TF: variants seen among roughly 807,000 people sequenced by gnomAD.
The protein encoded by TF is serotransferrin.
In TF, 55 loss-of-function variants were observed where a neutral mutation model predicts 82.4. The ratio of observed to expected loss-of-function variants is 0.67; its 90% CI spans 0.54 to 0.84. The LOEUF (loss-of-function observed/expected upper bound fraction) is 0.84, where lower values mean the gene tolerates loss of function less well. Among genes scored for constraint, TF ranks in the 40% least tolerant of loss-of-function variants. TF has a pLI of 0.00. For missense variants in TF, 737 were observed against 868.4 expected (o/e 0.85, Z 1.90); for synonymous variants, 332 against 332.6 (o/e 1.00, Z 0.02).
chr3:133,766,236 C>T (rs1559875249), intron 11 of TF, 42 bp from the exon 12 acceptor site: 1 of 1,602,374 alleles, frequency 6.2e-7, no homozygotes, highest in Non-Finnish European at 8.6e-7. Flanking sequence ...TCTGGAAGCC[C>T]CAGAGGTGTT....
the TF span, among the ~76,000 whole-genome samples, chr3:133,666,949 T>C: frequency 2.0e-5 from 3 of 151,698 alleles, no homozygotes; most frequent in Non-Finnish European, 4.4e-5. Context: ...GGCAGGACAA[T>C]GGCGTGAACC....
At chr3:133,755,592 C>G in intron 5 of TF, 97 bp downstream of exon 5, 1 of 1,561,232 alleles carries the variant, frequency 6.4e-7, no homozygotes, top group Non-Finnish European at 8.7e-7. Flanking sequence ...TGCCTGCCTA[C>G]AGGGGCATCG....
the TF span, among the ~76,000 whole-genome samples, chr3:133,728,338 A>G: frequency 6.6e-6 from 1 of 152,148 alleles, no homozygotes; most frequent in African/African-American, 2.4e-5. Context: ...TATTTCTTGG[A>G]GGCTTTGTTC....
chr3:133,764,879 C>G lies in TF; in HGVS notation c.1302C>G (p.Ser434Arg). Residue 434 changes from serine (S) to arginine (R), a missense_variant, in exon 11 of 17, where the codon AGC becomes AGG. Ser to Arg is a moderately radical substitution (Grantham distance 110). Transcript: ENST00000402696. ...VPVLAENYNK[S>R]DNCEDTPEAG... is the part of the protein sequence containing the mutation. The stretch of plus-strand genomic sequence containing the variant: ...TCATTTTCTTTTCTCCTGCAGAGAG[C>G]GATAATTGTGAGGATACACCAGAGG... 1 of 1,613,814 alleles carries G rather than the reference C, an allele frequency of 6.2e-7. No homozygotes were observed. The highest frequency in any genetic ancestry group is 8.5e-7 in the Non-Finnish European group (1 of 1,179,822).
At position 133,764,872 on chromosome 3, in the gene TF, C is replaced by T. The variant is rs1576363374; in HGVS notation, c.1298-3C>T. The stretch of plus-strand genomic sequence containing the variant: ...GCCTTTTTCATTTTCTTTTCTCCTG[C>T]AGAGAGCGATAATTGTGAGGATACA... On this transcript the variant is annotated splice_region_variant and splice_polypyrimidine_tract_variant and intron_variant, in intron 10 of 16. Transcript: ENST00000402696. 1.2e-6 allele frequency: 2 copies of T among 1,613,842 alleles called. No individual in the cohort carries two copies. Among genetic ancestry groups the T allele is most frequent in the Non-Finnish European group, 8.5e-7 (1 of 1,179,810 alleles).
chr3:133,711,157 C>G, the TF span, among the ~76,000 whole-genome samples: 1 of 152,196 alleles, frequency 6.6e-6, no homozygotes, highest in Non-Finnish European at 1.5e-5. Context: ...AAATGAAACT[C>G]TTTTTCCCAA....
the TF span, among the ~76,000 whole-genome samples, chr3:133,693,553 G>T: frequency 1.4e-3 from 207 of 152,330 alleles, no homozygotes; most frequent in African/African-American, 4.6e-3. Context: ...CTACAGCCTG[G>T]ATCGCAGCTC....
At chr3:133,715,251 C>T in the TF span, among the ~76,000 whole-genome samples, 2 of 152,168 alleles carry the variant, frequency 1.3e-5, no homozygotes, top group Non-Finnish European at 2.9e-5. Flanking sequence ...ACACTTCTTC[C>T]CCCACCTTTC....
chr3:133,782,463 A>G lies in TF; in HGVS notation c.*3843A>G, dbSNP rs1333023514. 6.6e-6 allele frequency: 1 copy of G among 152,126 alleles called. No individual in the cohort carries two copies. The highest frequency in any genetic ancestry group is 1.9e-4 in the East Asian group (1 of 5,186). The allele number at this position is 152,126 out of a possible 1,614,324, so 9.4% of individuals were successfully genotyped here. A position where few individuals can be genotyped will look rare whatever the true frequency, so the allele number is the denominator to read the frequency against. On this transcript the variant is annotated 3_prime_UTR_variant, in exon 17 of 17. Transcript: ENST00000402696. ...CACAATGGAATATTATTCAGCCCTA[A>G]AAAGAATATCTTGCCATTTGCCACA...
At chr3:133,694,369 G>T in the TF span, 1 of 153,056 alleles carries the variant, frequency 6.5e-6, no homozygotes. Context: ...TTAAGTGAGT[G>T]AGACCCCACT....
chr3:133,664,718 T>G, the TF span, among the ~76,000 whole-genome samples: 1 of 152,226 alleles, frequency 6.6e-6, no homozygotes, highest in Non-Finnish European at 1.5e-5. Flanking sequence ...TAAATTTTGT[T>G]TTTTTATTGT....
At chr3:133,704,404 A>G in the TF span, 1 of 190,628 alleles carries the variant, frequency 5.2e-6, no homozygotes. Flanking sequence ...AACTTAGTTT[A>G]GTGTTGAGAT....
intron 11 of TF, 102 bp from the exon 12 acceptor site, chr3:133,766,176 T>C: frequency 9.0e-7 from 1 of 1,109,510 alleles, no homozygotes; most frequent in Non-Finnish European, 1.4e-6. Context: ...ACACAATGAC[T>C]GATTGAGGAT....
At chr3:133,750,586 C>T (rs545594221) in intron 2 of TF, among the ~76,000 whole-genome samples, 6 of 152,116 alleles carry the variant, frequency 3.9e-5, no homozygotes, top group Admixed American at 3.9e-4. Flanking sequence ...TCCCAGCTGG[C>T]GCAGGTTCCC....
the TF span, among the ~76,000 whole-genome samples, chr3:133,722,556 TG>T: frequency 2.0e-3 from 300 of 152,290 alleles, 1 homozygote; most frequent in African/African-American, 6.8e-3. Context: ...TTCTTATTTT[TG>T]TATCTGCTGT....
the TF span, among the ~76,000 whole-genome samples, chr3:133,684,943 CA>C: frequency 6.6e-6 from 1 of 152,082 alleles, no homozygotes; most frequent in Non-Finnish European, 1.5e-5. Flanking sequence ...AACATCGATG[CA>C]AAAATCCTCA....
At chr3:133,716,638 C>G in the TF span, among the ~76,000 whole-genome samples, 81 of 152,306 alleles carry the variant, frequency 5.3e-4, 1 homozygote, top group East Asian at 0.01. Context: ...ATGCATCTGT[C>G]TTGTCCCACT....
intron 16 of TF, chr3:133,778,188 T>A (rs1296371812): frequency 8.4e-6 from 2 of 237,150 alleles, no homozygotes; most frequent in African/African-American, 4.5e-5. Context: ...TCTTCTTTCC[T>A]CCATCCTTAG....
chr3:133,678,167 A>G, the TF span, among the ~76,000 whole-genome samples: 4 of 152,146 alleles, frequency 2.6e-5, no homozygotes, highest in African/African-American at 7.2e-5. Context: ...AGCTTCATCT[A>G]TGTCCCTGCA....
Sources: gnomAD v4.1 joint callset for allele counts (sites outside exome capture counted in the v4.1 genomes callset) on GRCh38, gnomAD v4.1.1 for gene constraint, MANE v1.5 for transcripts, NCBI Gene and HGNC (gene_info 2026-07-23, HGNC 2026-07-21) for gene names.